TET3: variants seen among roughly 807,000 people sequenced by gnomAD.
TET3 encodes the protein methylcytosine dioxygenase TET3.
TET3 carries 19 observed loss-of-function variants against 141.4 expected under a neutral mutation model. The ratio of observed to expected loss-of-function variants is 0.13; its 90% confidence interval spans 0.09 to 0.20. The LOEUF is 0.20. Ranked by LOEUF, TET3 falls within the 10% of genes least tolerant of loss-of-function variation. TET3 has a pLI of 1.00. For missense variants in TET3, 1,874 were observed against 2,356.9 expected (o/e 0.80, Z 4.24); for synonymous variants, 1,043 against 980.9 (o/e 1.06, Z -1.18).
At chr2:74,134,688 C>G in the TET3 span, 1 of 456,590 alleles carries the variant, frequency 2.2e-6, no homozygotes, top group Admixed American at 2.3e-5. Flanking sequence ...CACAAGATGT[C>G]TGAGAAAACT....
intron 10 of TET3, among the ~76,000 whole-genome samples, chr2:74,097,988 G>A (rs1690949480): frequency 6.6e-6 from 1 of 152,170 alleles, no homozygotes; most frequent in African/African-American, 2.4e-5. Flanking sequence ...CAAGAGTAGA[G>A]AGTAAACTTG....
intron 7 of TET3, among the ~76,000 whole-genome samples, chr2:74,089,035 C>A (rs1225925990): frequency 7.2e-6 from 1 of 138,724 alleles, no homozygotes; most frequent in African/African-American, 2.7e-5. Flanking sequence ...GAGCCAAGAT[C>A]GTGCCATTGC....
At chr2:74,065,048 T>A (rs1688807927) in intron 4 of TET3, among the ~76,000 whole-genome samples, 1 of 152,262 alleles carries the variant, frequency 6.6e-6, no homozygotes, top group Non-Finnish European at 1.5e-5. Context: ...CTTATATTTT[T>A]CTTTTTATGT....
rs202066361 is a variant in TET3, at chr2:74,073,442, T to TC, written c.2495-105dup. The TC allele has an allele frequency of 8.3e-3, 5,936 of 710,916 alleles. 35 individuals carry two copies. Among genetic ancestry groups the TC allele is most frequent in the Non-Finnish European group, 0.011 (4,627 of 436,802 alleles). The allele number at this position is 710,916 out of a possible 1,614,324, so 44.0% of individuals were successfully genotyped here. Reference sequence around the variant, plus strand: ...CACATGTTCATAAGCCATGTGGGTTTCCTGTTTTCTAGCATGCCTATTAAC... The same window carrying TC: ...CACATGTTCATAAGCCATGTGGGTTTCCCTGTTTTCTAGCATGCCTATTAAC... On this transcript the variant is annotated intron_variant, in intron 4 of 11. Coordinates refer to ENST00000409262, the MANE Select transcript of TET3 (RefSeq NM_001287491.2).
At chr2:74,003,683 T>A (rs1241322439) in intron 3 of TET3, among the ~76,000 whole-genome samples, 1 of 143,518 alleles carries the variant, frequency 7.0e-6, no homozygotes, top group Non-Finnish European at 1.5e-5. Context: ...GTGGTGGGGG[T>A]GAGGATATTT....
At chr2:74,124,135 CCCGCCCCGCCAG>C in the TET3 span, among the ~76,000 whole-genome samples, 1 of 151,888 alleles carries the variant, frequency 6.6e-6, no homozygotes, top group Non-Finnish European at 1.5e-5. Flanking sequence ...GGGGGCAGCC[CCCGCCCCGCCAG>C]CCGCCCCATC....
At chr2:74,099,695 A>T in intron 11 of TET3, 83 bp downstream of exon 11, 1 of 1,343,942 alleles carries the variant, frequency 7.4e-7, no homozygotes, top group Non-Finnish European at 1.0e-6. Context: ...ACCCTCCTGC[A>T]TCACACTGGA....
Position 74,047,251 on chromosome 2 carries a change from C to A in TET3, c.1334C>A (p.Thr445Lys), listed in dbSNP as rs376681686. The change falls in exon 4 of 12, where the codon ACG becomes AAG. Residue 445 changes from threonine to lysine, a missense_variant. Physicochemically the swap from Thr to Lys is moderately conservative, Grantham distance 78. Coordinates refer to ENST00000409262, the MANE Select transcript of TET3 (RefSeq NM_001287491.2). ...EAWGTDTPPA[T>K]PRSSWPMPRP... ...TGGGGCACTGACACCCCTCCAGCAACGCCCCGGAGCTCCTGGCCCATGCCT... is the reference window on the plus strand; with the variant it reads ...TGGGGCACTGACACCCCTCCAGCAAAGCCCCGGAGCTCCTGGCCCATGCCT... 6.2e-7 allele frequency: 1 copy of A among 1,614,024 alleles called. No homozygotes were observed. Among genetic ancestry groups the A allele is most frequent in the African/African-American group, 1.3e-5 (1 of 75,068 alleles).
At chr2:74,027,239 A>G (rs1285786724) in intron 3 of TET3, among the ~76,000 whole-genome samples, 1 of 152,070 alleles carries the variant, frequency 6.6e-6, no homozygotes, top group Non-Finnish European at 1.5e-5. Flanking sequence ...TTTTGCCTCA[A>G]AGCTGCTTAT....
At chr2:74,117,782 G>T in the TET3 span, among the ~76,000 whole-genome samples, 1 of 151,380 alleles carries the variant, frequency 6.6e-6, no homozygotes, top group South Asian at 2.1e-4. Flanking sequence ...GTCATGCCCT[G>T]TCGCCCAGGC....
intron 3 of TET3, among the ~76,000 whole-genome samples, chr2:74,010,815 C>G (rs1031987673): frequency 1.3e-5 from 2 of 152,206 alleles, no homozygotes; most frequent in Admixed American, 6.5e-5. Flanking sequence ...ACATGTCAGA[C>G]CAAACACTGG....
At chr2:74,073,153 C>T (rs569013254) in intron 4 of TET3, among the ~76,000 whole-genome samples, 20 of 152,238 alleles carry the variant, frequency 1.3e-4, no homozygotes, top group African/African-American at 3.6e-4. Flanking sequence ...TGGCCGGGTG[C>T]GGTGGCTCAC....
intron 4 of TET3, among the ~76,000 whole-genome samples, chr2:74,052,736 G>C (rs1019660834): frequency 6.6e-6 from 1 of 152,044 alleles, no homozygotes; most frequent in Non-Finnish European, 1.5e-5. Context: ...TGGGCATGGT[G>C]GCGGGTGCCT....
At position 74,093,008 on chromosome 2, in the gene TET3, C is replaced by T; in HGVS notation, c.3129+17C>T. On this transcript the variant is annotated intron_variant, in intron 9 of 11. Transcript: ENST00000409262. The surrounding 1 kb of genome is among the most constrained non-coding windows in gnomAD (Gnocchi z 4.2). The stretch of plus-strand genomic sequence containing the variant: ...CAGAACCAGGTAACGGGCCCTGGGC[C>T]TTTTGCTGCCCACATGTCACCGTCC... The T allele has an allele frequency of 1.3e-6, 2 of 1,555,062 alleles. No individual in the cohort carries two copies. Among genetic ancestry groups the T allele is most frequent in the South Asian group, 1.2e-5 (1 of 84,328 alleles).
At chr2:74,109,650 G>A (rs1558808143), downstream of TET3, among the ~76,000 whole-genome samples, 3 of 152,248 alleles carry the variant, frequency 2.0e-5, no homozygotes, top group African/African-American at 2.4e-5. Flanking sequence ...CCTCTGCCAC[G>A]TGACTACATT....
chr2:73,996,118 G>A (rs1403360063), intron 2 of TET3, among the ~76,000 whole-genome samples: 1 of 152,174 alleles, frequency 6.6e-6, no homozygotes, highest in Non-Finnish European at 1.5e-5. Context: ...TCCTGCCAGA[G>A]TTGTCCTCTC....
At chr2:74,042,187 C>T (rs1026930904) in intron 3 of TET3, among the ~76,000 whole-genome samples, 7 of 152,326 alleles carry the variant, frequency 4.6e-5, no homozygotes, top group Non-Finnish European at 1.0e-4. Flanking sequence ...TAGCTGGCCT[C>T]AAAAGGGTCA....
chr2:74,046,917 C>A lies in TET3; in HGVS notation c.1000C>A (p.Gln334Lys). 6.2e-7 allele frequency: 1 copy of A among 1,613,890 alleles called. No individual in the cohort carries two copies. The highest frequency in any genetic ancestry group is 8.5e-7 in the Non-Finnish European group (1 of 1,179,876). ...LSSEVPQISPQEGLPLSQSAL... is the reference protein window; with the variant it reads ...LSSEVPQISPKEGLPLSQSAL... ...CTCAGAGGTGCCCCAGATCTCTCCC[C>A]AAGAGGGCCTGCCCCTGTCCCAGAG... The change falls in exon 4 of 12, where the codon CAA (glutamine) becomes AAA (lysine). Residue 334 changes from glutamine (Q) to lysine (K), a missense_variant. By Grantham distance (53) the Gln-to-Lys change is moderately conservative. Coordinates refer to ENST00000409262, the MANE Select transcript of TET3 (RefSeq NM_001287491.2). This position sits in a 1 kb window ranked among gnomAD's most constrained non-coding sequence, Gnocchi z 4.3.
intron 2 of TET3, 149 bp downstream of exon 2, chr2:73,986,855 G>A: frequency 2.7e-6 from 2 of 733,184 alleles, no homozygotes; most frequent in Non-Finnish European, 3.7e-6. Context: ...TAACTGACAT[G>A]TTTGGACTCC....
Sources: gnomAD v4.1 joint callset for allele counts (sites outside exome capture counted in the v4.1 genomes callset) on GRCh38, gnomAD v4.1.1 for gene constraint, Gnocchi (gnomAD v3.1) non-coding constraint, MANE v1.5 for transcripts, NCBI Gene and HGNC (gene_info 2026-07-23, HGNC 2026-07-21) for gene names.